ZRANB1: variants seen among roughly 807,000 people sequenced by gnomAD.
ZRANB1 encodes ubiquitin thioesterase ZRANB1.
In ZRANB1, 16 loss-of-function variants were observed where a neutral mutation model predicts 80.5. The observed-to-expected ratio is 0.20, with a 90% CI of 0.13 to 0.30. The LOEUF (loss-of-function observed/expected upper bound fraction) is 0.30. ZRANB1 is among the 10% of genes least tolerant of loss of function. ZRANB1 has a pLI of 1.00. For synonymous variants in ZRANB1, 291 were observed against 293.1 expected, an observed-to-expected ratio of 0.99 and a Z score of 0.07; for missense variants, 576 against 862.6, an observed-to-expected ratio of 0.67 and a Z score of 4.16.
rs939268685 is a variant in ZRANB1 at position 124,976,174 on chromosome 10, T to C, written c.1427+1776T>C. Among the ~76,000 whole-genome samples the C allele has an allele frequency of 7.2e-5, 11 of 152,188 alleles. No individual in the cohort carries two copies. The East Asian group carries it at 2.1e-3, about 29-fold the overall frequency. On this transcript the variant is annotated intron_variant, in intron 5 of 8. Coordinates refer to ENST00000359653, the MANE Select transcript of ZRANB1 (RefSeq NM_017580.3). ...TAATTGTCCTGGAGAGAGGGCTCTT[T>C]TGTGCCTCTTAGTGGAGATGGCTGT...
Position 124,963,559 on chromosome 10 carries a change from T to G in ZRANB1, c.815-3035T>G, listed in dbSNP as rs1357530028. Among the ~76,000 whole-genome samples the G allele has an allele frequency of 2.9e-4, 40 of 137,076 alleles. No individual in the cohort carries two copies. The South Asian group carries it at 4.2e-3, about 14-fold the overall frequency. 89.9% of individuals were successfully genotyped at this position (137,076 alleles called of 152,430 possible). ...AAGGTTTTTTTTTTTTGTTTGTTTT[T>G]TTTTTTTTTTTTTTTTTTGGGCATG... On this transcript the variant is annotated intron_variant, in intron 1 of 8. Coordinates refer to ENST00000359653, the MANE Select transcript of ZRANB1 (RefSeq NM_017580.3).
chr10:124,923,647 T>C, the ZRANB1 span, among the ~76,000 whole-genome samples: 1 of 151,900 alleles, frequency 6.6e-6, no homozygotes, highest in Non-Finnish European at 1.5e-5. Flanking sequence ...CAGTTTCTCA[T>C]GACTGGGGAG....
rs180859314 is a variant in ZRANB1, at chr10:124,985,868, T to A, written c.*876T>A. ...CCATCAACAATGTGCTGCTCCCAGA[T>A]TGCCATGCCAGAGGGTCTTCGGATT... is the stretch of plus-strand genomic sequence containing the variant. On this transcript the variant is annotated 3_prime_UTR_variant, in exon 9 of 9. Coordinates refer to ENST00000359653, the MANE Select transcript of ZRANB1 (RefSeq NM_017580.3). 6.6e-6 allele frequency: 1 copy of A among 151,770 alleles called. No homozygotes were observed. The highest frequency in any genetic ancestry group is 2.4e-5 in the African/African-American group (1 of 41,436). The allele number at this position is 151,770 out of a possible 1,614,324, so 9.4% of individuals were successfully genotyped here. A position where few individuals can be genotyped will look rare whatever the true frequency, so the allele number is the denominator to read the frequency against.
chr10:124,969,445 G>A (rs1189645133), intron 2 of ZRANB1, among the ~76,000 whole-genome samples: 1 of 152,126 alleles, frequency 6.6e-6, no homozygotes, highest in African/African-American at 2.4e-5. Flanking sequence ...CTAAGGGGGT[G>A]TGTTGCAGAG....
chr10:124,931,156 G>A, the ZRANB1 span, among the ~76,000 whole-genome samples: 1 of 152,108 alleles, frequency 6.6e-6, no homozygotes, highest in African/African-American at 2.4e-5. Flanking sequence ...GCTCACTGCA[G>A]CATTGACCTT....
At chr10:124,970,796 C>A (rs952869795) in intron 2 of ZRANB1, among the ~76,000 whole-genome samples, 7 of 148,236 alleles carry the variant, frequency 4.7e-5, no homozygotes, top group Non-Finnish European at 7.4e-5. Flanking sequence ...CATCAGGGAA[C>A]AGGCTCACTG....
intron 5 of ZRANB1, 96 bp downstream of exon 5, chr10:124,974,494 T>C (rs1399129114): frequency 2.4e-6 from 3 of 1,275,356 alleles, no homozygotes; most frequent in Non-Finnish European, 3.3e-6. Flanking sequence ...TTATATTTTC[T>C]ATGGAAACTG....
chr10:124,923,499 C>T, the ZRANB1 span, among the ~76,000 whole-genome samples: 1 of 151,684 alleles, frequency 6.6e-6, no homozygotes, highest in Non-Finnish European at 1.5e-5. Flanking sequence ...GAGGCCAAGG[C>T]AGGAGAATCT....
At chr10:124,928,282 C>G in the ZRANB1 span, among the ~76,000 whole-genome samples, 7 of 152,058 alleles carry the variant, frequency 4.6e-5, no homozygotes, top group South Asian at 2.1e-4. Flanking sequence ...ACGGTGTCGC[C>G]GAAGCATGCG....
chr10:124,975,014 C>CT (rs1257300320), intron 5 of ZRANB1, among the ~76,000 whole-genome samples: 3 of 152,178 alleles, frequency 2.0e-5, no homozygotes, highest in Non-Finnish European at 4.4e-5. Flanking sequence ...CCCAGGGTGG[C>CT]TTTGATAATC....
the ZRANB1 span, among the ~76,000 whole-genome samples, chr10:124,934,612 A>G: frequency 6.6e-6 from 1 of 152,198 alleles, no homozygotes; most frequent in Non-Finnish European, 1.5e-5. Flanking sequence ...GGGAAAACTG[A>G]GGCTCAGAAA....
chr10:124,977,711 G>GAAAAAAAAAAA (rs752296814), intron 5 of ZRANB1, among the ~76,000 whole-genome samples: 2 of 48,724 alleles, frequency 4.1e-5, no homozygotes, highest in Non-Finnish European at 8.2e-5. Context: ...ACCCTGCTAA[G>GAAAAAAAAAAA]AAAAAAAAAA....
upstream of ZRANB1, among the ~76,000 whole-genome samples, chr10:124,941,641 C>T (rs1341445823): frequency 6.6e-6 from 1 of 152,068 alleles, no homozygotes; most frequent in Non-Finnish European, 1.5e-5. Context: ...TGAGCTACTG[C>T]CCCCGGCCAT....
intron 1 of ZRANB1, among the ~76,000 whole-genome samples, chr10:124,963,384 T>G (rs1358067679): frequency 6.6e-6 from 1 of 151,972 alleles, no homozygotes; most frequent in Non-Finnish European, 1.5e-5. Context: ...CATTTTTTCC[T>G]GGCCTTTCTC....
intron 2 of ZRANB1, among the ~76,000 whole-genome samples, chr10:124,970,358 G>C (rs1438010939): frequency 6.6e-6 from 1 of 152,270 alleles, no homozygotes; most frequent in South Asian, 2.1e-4. Flanking sequence ...CCTGGCTCAA[G>C]TGATCCTCTC....
upstream of ZRANB1, among the ~76,000 whole-genome samples, chr10:124,941,427 C>G (rs1951535672): frequency 6.6e-6 from 1 of 152,136 alleles, no homozygotes; most frequent in African/African-American, 2.4e-5. Context: ...GATCTTAGCT[C>G]ACTGCAACCT....
At chr10:124,940,834 G>A (rs1421122524), upstream of ZRANB1, among the ~76,000 whole-genome samples, 1 of 151,850 alleles carries the variant, frequency 6.6e-6, no homozygotes, top group African/African-American at 2.4e-5. Flanking sequence ...AAAATTAGCC[G>A]GGCATGGTGG....
At chr10:124,962,135 A>G (rs1428958133) in intron 1 of ZRANB1, among the ~76,000 whole-genome samples, 3 of 152,250 alleles carry the variant, frequency 2.0e-5, no homozygotes, top group African/African-American at 7.2e-5. Context: ...TGATATAAAA[A>G]AGTATTACTG....
At chr10:124,923,202 G>A in the ZRANB1 span, among the ~76,000 whole-genome samples, 10 of 151,592 alleles carry the variant, frequency 6.6e-5, no homozygotes, top group African/African-American at 2.4e-4. Context: ...CAGGAGAATT[G>A]CTTGAACCCA....
Sources: allele counts gnomAD v4.1 joint callset (sites outside exome capture counted in the v4.1 genomes callset), GRCh38; gene constraint gnomAD v4.1.1; transcripts MANE v1.5; gene names NCBI Gene and HGNC (gene_info 2026-07-23, HGNC 2026-07-21).